Variants in MDGA2 observed in about 807,000 individuals in gnomAD.
MDGA2 encodes the protein MAM domain containing glycosylphosphatidylinositol anchor 2, also known as MAM domain-containing glycosylphosphatidylinositol anchor protein 2.
A neutral mutation model predicts 117.8 loss-of-function variants in MDGA2; 40 were observed. The observed-to-expected ratio is 0.34, with a 90% CI of 0.26 to 0.44. The LOEUF (loss-of-function observed/expected upper bound fraction) is 0.44, where lower values mean the gene tolerates loss of function less well. MDGA2 is among the 20% of genes least tolerant of loss of function. MDGA2 has a pLI of 1.00. For missense variants in MDGA2, 1,123 were observed against 1,250.6 expected, an observed-to-expected ratio of 0.90 and a Z score of 1.54; for synonymous variants, 452 against 439.0, an observed-to-expected ratio of 1.03 and a Z score of -0.37.
intron 1 of MDGA2, among the ~76,000 whole-genome samples, chr14:47,546,085 T>A (rs911033843): frequency 1.3e-5 from 2 of 152,172 alleles, no homozygotes; most frequent in Non-Finnish European, 2.9e-5. Flanking sequence ...AAGTAGTATA[T>A]TGGTATGCTA....
chr14:46,931,048 C>A lies in MDGA2; in HGVS notation c.2090-10888G>T, dbSNP rs568287569. Among the ~76,000 whole-genome samples the A allele has an allele frequency of 1.4e-4, 21 of 151,884 alleles. No homozygotes were observed. The East Asian group carries it at 4.1e-3, about 29-fold the overall frequency. Reference sequence around the variant, plus strand: ...TGACTAACATGGTGAAACATCGTCTCTACTAAAAATACAAAAATTAGCAGG... The same window carrying A: ...TGACTAACATGGTGAAACATCGTCTATACTAAAAATACAAAAATTAGCAGG... On this transcript the variant is annotated intron_variant, in intron 9 of 16. Transcript: ENST00000399232.
chr14:47,034,886 A>T (rs1181940846), intron 8 of MDGA2, 125 bp downstream of exon 8: 1 of 799,864 alleles, frequency 1.3e-6, no homozygotes. Flanking sequence ...ATTCAATCCA[A>T]TGTAGAAATG....
intron 1 of MDGA2, among the ~76,000 whole-genome samples, chr14:47,664,531 T>C (rs1284895157): frequency 6.6e-6 from 1 of 152,256 alleles, no homozygotes; most frequent in Non-Finnish European, 1.5e-5. Flanking sequence ...GTTTACTCGA[T>C]GTGGAAACTG....
At chr14:47,167,470 G>T (rs1051653099) in intron 3 of MDGA2, among the ~76,000 whole-genome samples, 1 of 152,080 alleles carries the variant, frequency 6.6e-6, no homozygotes, top group East Asian at 1.9e-4. Flanking sequence ...AGTGCATAGG[G>T]AGAAAGGCAA....
chr14:47,137,324 T>C (rs1229159897), intron 4 of MDGA2, among the ~76,000 whole-genome samples: 2 of 152,156 alleles, frequency 1.3e-5, no homozygotes, highest in African/African-American at 4.8e-5. Context: ...ATAGTTTGGA[T>C]GTTTGTCCCT....
intron 1 of MDGA2, among the ~76,000 whole-genome samples, chr14:47,612,208 AC>A (rs1896860706): frequency 7.0e-6 from 1 of 143,254 alleles, no homozygotes; most frequent in Admixed American, 7.2e-5. Flanking sequence ...AGATAGATAG[AC>A]AGATAGATAG....
chr14:47,588,226 GGAGA>G lies in MDGA2; in HGVS notation c.280+86287_280+86290del, dbSNP rs1190859118. On this transcript the variant is annotated intron_variant, in intron 1 of 16. Coordinates refer to ENST00000399232, the MANE Select transcript of MDGA2 (RefSeq NM_001113498.3). Reference sequence around the variant, plus strand: ...GTAAAACTATATTTTCAAATCTCTTGGAGATAGATAGATATATATATATATATAT... The same window carrying G: ...GTAAAACTATATTTTCAAATCTCTTGTAGATAGATATATATATATATATAT... Among the ~76,000 whole-genome samples, 135 of 84,996 alleles carry G rather than the reference GGAGA, an allele frequency of 1.6e-3. 8 individuals carry two copies. Among genetic ancestry groups the G allele is most frequent in the Non-Finnish European group, 3.5e-4 (15 of 42,768 alleles). The allele number at this position is 84,996 out of a possible 152,430, so 55.8% of individuals were successfully genotyped here. A position where few individuals can be genotyped will look rare whatever the true frequency, so the allele number is the denominator to read the frequency against.
chr14:47,148,286 C>T (rs1382293603), intron 3 of MDGA2, among the ~76,000 whole-genome samples: 1 of 152,120 alleles, frequency 6.6e-6, no homozygotes, highest in East Asian at 1.9e-4. Context: ...GGAAGGAAAG[C>T]AATCCTCCAG....
chr14:47,663,954 C>T (rs1037431273), intron 1 of MDGA2, among the ~76,000 whole-genome samples: 2 of 152,042 alleles, frequency 1.3e-5, no homozygotes, highest in Non-Finnish European at 2.9e-5. Context: ...GATCAATACA[C>T]GTATTTGAAC....
At chr14:47,616,847 T>A (rs1304298803) in intron 1 of MDGA2, among the ~76,000 whole-genome samples, 1 of 152,224 alleles carries the variant, frequency 6.6e-6, no homozygotes, top group Non-Finnish European at 1.5e-5. Context: ...ATATACTAGG[T>A]AGTCACTAAT....
In MDGA2 at chr14:46,973,844, A is replaced by G. The variant is rs567722038; in HGVS notation, c.1820-16201T>C. On this transcript the variant is annotated intron_variant, in intron 8 of 16. Transcript: ENST00000399232. ...CAAATAAATGAAATCAGAAAAGTAA[A>G]AAAGCAACAAAATCAACATACTAAA... 1.1e-4 allele frequency among the ~76,000 whole-genome samples: 17 copies of G among 152,254 alleles called. No individual in the cohort carries two copies. The East Asian group carries it at 2.3e-3, about 21-fold the overall frequency.
chr14:46,932,107 T>C (rs1033673189), intron 9 of MDGA2, among the ~76,000 whole-genome samples: 3 of 152,144 alleles, frequency 2.0e-5, no homozygotes, highest in African/African-American at 7.2e-5. Flanking sequence ...TATAGCAGGA[T>C]TCTCATGATA....
intron 4 of MDGA2, among the ~76,000 whole-genome samples, chr14:47,140,339 A>G (rs1242607829): frequency 2.0e-5 from 3 of 152,072 alleles, no homozygotes; most frequent in Admixed American, 2.0e-4. Flanking sequence ...ACAATCCAAA[A>G]TTTCTATGAA....
intron 8 of MDGA2, among the ~76,000 whole-genome samples, chr14:47,007,816 G>A (rs566259177): frequency 3.3e-5 from 5 of 151,840 alleles, no homozygotes; most frequent in Non-Finnish European, 4.4e-5. Context: ...TCATGTAAGC[G>A]ATACTCATTT....
intron 1 of MDGA2, among the ~76,000 whole-genome samples, chr14:47,444,780 G>C (rs1385827502): frequency 2.6e-5 from 4 of 152,090 alleles, no homozygotes; most frequent in African/African-American, 9.7e-5. Context: ...CATAGTCTTA[G>C]CTTGTAATAG....
At chr14:47,079,010 T>A (rs1410530299) in intron 6 of MDGA2, among the ~76,000 whole-genome samples, 3 of 151,408 alleles carry the variant, frequency 2.0e-5, no homozygotes, top group African/African-American at 7.3e-5. Context: ...CAACTTTTTT[T>A]AGATTCCACA....
At chr14:47,236,496 C>T (rs1424491297) in intron 2 of MDGA2, among the ~76,000 whole-genome samples, 2 of 152,008 alleles carry the variant, frequency 1.3e-5, no homozygotes, top group Non-Finnish European at 2.9e-5. Context: ...GTTAAGTAGG[C>T]AGGATGCTTT....
chr14:47,632,180 T>C (rs1314870720), intron 1 of MDGA2, among the ~76,000 whole-genome samples: 4 of 152,160 alleles, frequency 2.6e-5, no homozygotes, highest in Non-Finnish European at 5.9e-5. Flanking sequence ...ACTTAATATG[T>C]CCAAGGGCAA....
rs1031593052 is a variant in MDGA2 at position 47,521,334 on chromosome 14, T to C, written c.280+153183A>G. Among the ~76,000 whole-genome samples, 6 of 152,234 alleles carry C rather than the reference T, an allele frequency of 3.9e-5. No homozygotes were observed. In the East Asian group the frequency reaches 5.8e-4, roughly 15 times the overall value. On this transcript the variant is annotated intron_variant, in intron 1 of 16. Transcript: ENST00000399232. ...AGTTCCCTGACTCATCATTCATGCA[T>C]TAAGAGCAGTTTTAACAAGAACATT...
Sources: gnomAD v4.1 joint callset for allele counts (sites outside exome capture counted in the v4.1 genomes callset) on GRCh38, gnomAD v4.1.1 for gene constraint, MANE v1.5 for transcripts, NCBI Gene and HGNC (gene_info 2026-07-23, HGNC 2026-07-21) for gene names.